Variants in UBASH3B observed in about 807,000 individuals in gnomAD.
UBASH3B encodes ubiquitin-associated and SH3 domain-containing protein B.
UBASH3B carries 37 observed loss-of-function variants against 83.4 expected under a neutral mutation model. The observed-to-expected ratio is 0.44, with a 90% CI of 0.34 to 0.58. UBASH3B has a LOEUF of 0.58. UBASH3B is among the 20% of genes least tolerant of loss of function. The pLI is 0.01. For missense variants in UBASH3B, 657 were observed against 827.2 expected (o/e 0.79, Z 2.52); for synonymous variants, 304 against 318.3 (o/e 0.96, Z 0.48).
chr11:122,789,512 G>T (rs533267153), intron 6 of UBASH3B, among the ~76,000 whole-genome samples: 15 of 152,290 alleles, frequency 9.8e-5, no homozygotes, highest in African/African-American at 3.4e-4. Context: ...ATTTGCCATG[G>T]TTGTCTGCTT....
At chr11:122,729,249 G>T (rs1334587345) in intron 1 of UBASH3B, among the ~76,000 whole-genome samples, 1 of 152,146 alleles carries the variant, frequency 6.6e-6, no homozygotes, top group Non-Finnish European at 1.5e-5. Context: ...TTCTCCAGAG[G>T]CCAGAAAGCC....
chr11:122,709,518 CAT>C (rs1864164119), intron 1 of UBASH3B: 1 of 152,156 alleles, frequency 6.6e-6, no homozygotes, highest in South Asian at 2.1e-4. Context: ...GGATGGGGAA[CAT>C]GTGTGGGTGT....
intron 1 of UBASH3B, among the ~76,000 whole-genome samples, chr11:122,724,825 C>T (rs1352879679): frequency 1.3e-5 from 2 of 152,002 alleles, no homozygotes; most frequent in Admixed American, 6.6e-5. Context: ...GTCCAGTGAG[C>T]GGCATCCTAA....
At chr11:122,791,666 C>T (rs958448388) in intron 6 of UBASH3B, among the ~76,000 whole-genome samples, 5 of 152,162 alleles carry the variant, frequency 3.3e-5, no homozygotes, top group Non-Finnish European at 7.4e-5. Context: ...TCTCTCCTAA[C>T]CCAAGAGAGA....
intron 1 of UBASH3B, among the ~76,000 whole-genome samples, chr11:122,705,839 A>G (rs1864111550): frequency 6.6e-6 from 1 of 152,080 alleles, no homozygotes; most frequent in East Asian, 1.9e-4. Flanking sequence ...TTATCACAGG[A>G]CTTCGTTCCA....
chr11:122,777,605 C>T (rs1397252306), intron 3 of UBASH3B, among the ~76,000 whole-genome samples: 1 of 139,340 alleles, frequency 7.2e-6, no homozygotes, highest in African/African-American at 2.5e-5. Context: ...CAGGGAAAGC[C>T]ATTTCCTGTC....
chr11:122,799,002 G>A lies in UBASH3B; in HGVS notation c.1418G>A (p.Arg473His), dbSNP rs1216696167. ...IDHVYCSPSL[R>H]CVQTAHNILK... ...CATGTCTATTGCTCCCCGTCCCTTC[G>A]CTGCGTTCAGACTGCACACAATATC... The change falls in exon 10 of 14, where the codon CGC (arginine) becomes CAC (histidine). Residue 473 changes from arginine (R) to histidine (H), a missense_variant. By Grantham distance (29) the Arg-to-His change is conservative. Transcript: ENST00000284273. 11 of 1,613,862 alleles carry A rather than the reference G, an allele frequency of 6.8e-6. No homozygotes were observed. Among genetic ancestry groups the A allele is most frequent in the East Asian group, 2.2e-5 (1 of 44,886 alleles).
At chr11:122,751,893 G>T (rs929119747) in intron 1 of UBASH3B, among the ~76,000 whole-genome samples, 1 of 152,124 alleles carries the variant, frequency 6.6e-6, no homozygotes, top group Non-Finnish European at 1.5e-5. Flanking sequence ...TCTAGGGTGA[G>T]ACCAATTGCT....
At chr11:122,794,608 T>G in intron 6 of UBASH3B, 94 bp from the exon 7 acceptor site, 1 of 1,535,628 alleles carries the variant, frequency 6.5e-7, no homozygotes, top group South Asian at 1.2e-5. Flanking sequence ...CACAGAGGGC[T>G]TTGAGTTAAC....
In UBASH3B at chr11:122,674,085, C is replaced by T. The variant is rs541382552; in HGVS notation, c.161+17875C>T. Among the ~76,000 whole-genome samples the T allele has an allele frequency of 4.6e-5, 7 of 152,098 alleles. 1 individual carries two copies. In the South Asian group the frequency reaches 1.5e-3, roughly 32 times the overall value. ...GAATGAGCTGCCACCTTGGTGCTCC[C>T]AGTCTAGTAGGGAAAACAAAAATAA... On this transcript the variant is annotated intron_variant, in intron 1 of 13. Transcript: ENST00000284273.
chr11:122,810,051 A>C lies in UBASH3B; in HGVS notation c.*165A>C. 1.2e-6 allele frequency: 1 copy of C among 805,222 alleles called. No individual in the cohort carries two copies. The highest frequency in any genetic ancestry group is 2.7e-5 in the East Asian group (1 of 36,456). The allele number at this position is 805,222 out of a possible 1,614,324, so 49.9% of individuals were successfully genotyped here. On this transcript the variant is annotated 3_prime_UTR_variant, in exon 14 of 14. Coordinates refer to ENST00000284273, the MANE Select transcript of UBASH3B (RefSeq NM_032873.5). ...TAAGATGAGACTGTGTAAATGAGAG[A>C]AAGACTTGATTCAGAGGAAAAAAAT...
chr11:122,755,287 TCA>T (rs1861265338), intron 1 of UBASH3B, among the ~76,000 whole-genome samples: 1 of 152,110 alleles, frequency 6.6e-6, no homozygotes, highest in South Asian at 2.1e-4. Flanking sequence ...CTCCCATCTC[TCA>T]GAGTCTCGGT....
intron 1 of UBASH3B, among the ~76,000 whole-genome samples, chr11:122,672,157 G>C (rs909675113): frequency 6.6e-6 from 1 of 151,862 alleles, no homozygotes; most frequent in Non-Finnish European, 1.5e-5. Flanking sequence ...GCATTCTGAA[G>C]GTACAATCAT....
At chr11:122,675,018 C>T (rs954170317) in intron 1 of UBASH3B, among the ~76,000 whole-genome samples, 5 of 152,136 alleles carry the variant, frequency 3.3e-5, no homozygotes, top group African/African-American at 9.7e-5. Flanking sequence ...CATAAGCCAC[C>T]GTGCCTGGCC....
chr11:122,710,046 C>T (rs1864171302), intron 1 of UBASH3B, among the ~76,000 whole-genome samples: 1 of 150,432 alleles, frequency 6.6e-6, no homozygotes, highest in African/African-American at 2.5e-5. Context: ...ATCCTAGCTA[C>T]TTGGGAGGCT....
intron 1 of UBASH3B, among the ~76,000 whole-genome samples, chr11:122,679,617 G>A (rs1863713015): frequency 2.6e-5 from 4 of 152,122 alleles, no homozygotes; most frequent in Admixed American, 2.6e-4. Context: ...CTCTGTAGAG[G>A]GCCAGAGAGT....
chr11:122,784,261 G>A lies in UBASH3B; in HGVS notation c.771+1039G>A, dbSNP rs185812802. Among the ~76,000 whole-genome samples the A allele has an allele frequency of 1.3e-3, 191 of 152,272 alleles. 1 individual carries two copies. Among genetic ancestry groups the A allele is most frequent in the African/African-American group, 4.4e-3 (183 of 41,564 alleles). On this transcript the variant is annotated intron_variant, in intron 5 of 13. Coordinates refer to ENST00000284273, the MANE Select transcript of UBASH3B (RefSeq NM_032873.5). ...TAGTGTCTTTTTCTATCCTGAAGGA[G>A]AAGCTGAGACACAAAAAACATTAGT... is the stretch of plus-strand genomic sequence containing the variant.
At chr11:122,760,353 T>TG (rs199912074) in intron 1 of UBASH3B, among the ~76,000 whole-genome samples, 1,514 of 149,032 alleles carry the variant, frequency 0.01, 28 homozygotes, top group African/African-American at 0.035. Context: ...CAGAGAAAGT[T>TG]TTTTTTTTTT....
chr11:122,711,635 C>T (rs570861108), intron 1 of UBASH3B, among the ~76,000 whole-genome samples: 1 of 152,370 alleles, frequency 6.6e-6, no homozygotes, highest in South Asian at 2.1e-4. Flanking sequence ...TCATTACTAC[C>T]TCATGCTGTG....
Sources: allele counts gnomAD v4.1 joint callset (sites outside exome capture counted in the v4.1 genomes callset), GRCh38; gene constraint gnomAD v4.1.1; transcripts MANE v1.5; gene names NCBI Gene and HGNC (gene_info 2026-07-23, HGNC 2026-07-21).